PPP3R1: variants seen among roughly 807,000 people sequenced by gnomAD.
PPP3R1 encodes the protein protein phosphatase 3 regulatory subunit B, alpha.
In PPP3R1, 5 loss-of-function variants were observed where a neutral mutation model predicts 22.6. The ratio of observed to expected loss-of-function variants is 0.22; its 90% CI spans 0.12 to 0.46. PPP3R1 has a LOEUF of 0.46. PPP3R1 is among the 20% of genes least tolerant of loss of function. The pLI, the probability that PPP3R1 is intolerant of heterozygous loss-of-function variation, is 0.99. For missense variants in PPP3R1, 61 were observed against 203.2 expected (o/e 0.30, Z 4.25); for synonymous variants, 56 against 65.2 (o/e 0.86, Z 0.68).
chr2:68,227,638 T>C (rs1669813871), intron 1 of PPP3R1, among the ~76,000 whole-genome samples: 1 of 152,018 alleles, frequency 6.6e-6, no homozygotes, highest in East Asian at 1.9e-4. Context: ...TTACAATCTA[T>C]AACTTGAGTG....
At position 68,252,197 on chromosome 2, in the gene PPP3R1, G is replaced by A. The variant is rs1052268519; in HGVS notation, c.-70C>T. On this transcript the variant is annotated 5_prime_UTR_variant, in exon 1 of 6. Transcript: ENST00000234310. ...AGTGTTGCGCTCAGGCTGGCTCGCA[G>A]GAAACGGCGGCGGCGGCCCAGCTGC... The A allele has an allele frequency of 3.1e-6, 4 of 1,276,416 alleles. No homozygotes were observed. The African/African-American group carries it at 4.6e-5, about 15-fold the overall frequency. 79.1% of individuals were successfully genotyped at this position (1,276,416 alleles called of 1,614,324 possible).
At chr2:68,222,339 A>T (rs1200924029) in intron 1 of PPP3R1, among the ~76,000 whole-genome samples, 1 of 152,228 alleles carries the variant, frequency 6.6e-6, no homozygotes, top group Non-Finnish European at 1.5e-5. Flanking sequence ...TATCATTGTG[A>T]TGGTTAATTT....
At chr2:68,190,643 GA>G (rs1674646828) in intron 2 of PPP3R1, among the ~76,000 whole-genome samples, 1 of 152,144 alleles carries the variant, frequency 6.6e-6, no homozygotes, top group South Asian at 2.1e-4. Context: ...TTCCTTTAGA[GA>G]AAACAAGTTT....
chr2:68,219,371 T>G (rs1179001903), intron 1 of PPP3R1, among the ~76,000 whole-genome samples: 2 of 152,222 alleles, frequency 1.3e-5, no homozygotes, highest in African/African-American at 2.4e-5. Context: ...ACGTTCAGTC[T>G]TCCTCATGCT....
At chr2:68,222,437 A>G (rs1403023589) in intron 1 of PPP3R1, among the ~76,000 whole-genome samples, 1 of 152,252 alleles carries the variant, frequency 6.6e-6, no homozygotes, top group Non-Finnish European at 1.5e-5. Context: ...TTTGTGGAAG[A>G]GATTAGCATC....
chr2:68,239,456 T>C (rs1670077234), intron 1 of PPP3R1, among the ~76,000 whole-genome samples: 1 of 152,222 alleles, frequency 6.6e-6, no homozygotes, highest in African/African-American at 2.4e-5. Context: ...GGATAGACAC[T>C]GTTTCCATTA....
Position 68,232,249 on chromosome 2 carries a change from GTGTGTGTGTGTGTGTGTA to G in PPP3R1, c.4-15136_4-15119del, listed in dbSNP as rs1365700412. Among the ~76,000 whole-genome samples, 190 of 70,748 alleles carry G rather than the reference GTGTGTGTGTGTGTGTGTA, an allele frequency of 2.7e-3. 1 individual carries two copies. The highest frequency in any genetic ancestry group is 0.016 in the African/African-American group (174 of 11,034). 46.4% of individuals were successfully genotyped at this position (70,748 alleles called of 152,430 possible). A position where few individuals can be genotyped will look rare whatever the true frequency, so the allele number is the denominator to read the frequency against. On this transcript the variant is annotated intron_variant, in intron 1 of 5. Transcript: ENST00000234310. ...TGTGTGTGTGTGTGTGTGTGTGTGT[GTGTGTGTGTGTGTGTGTA>G]TATATATATACACACACACAAAAAT...
intron 2 of PPP3R1, among the ~76,000 whole-genome samples, chr2:68,203,631 G>A (rs573639263): frequency 6.8e-4 from 104 of 151,850 alleles, no homozygotes; most frequent in South Asian, 2.1e-3. Flanking sequence ...AATGAAAGAG[G>A]AAATCAAATT....
intron 1 of PPP3R1, among the ~76,000 whole-genome samples, chr2:68,222,154 A>C: frequency 6.6e-6 from 1 of 152,226 alleles, no homozygotes; most frequent in East Asian, 1.9e-4. Context: ...GGGGTATATA[A>C]AGTGAACATA....
chr2:68,214,745 A>G (rs1226174574), intron 2 of PPP3R1, among the ~76,000 whole-genome samples: 3 of 152,208 alleles, frequency 2.0e-5, no homozygotes, highest in Non-Finnish European at 2.9e-5. Context: ...AACTTAAAAC[A>G]ATTACCATTT....
intron 4 of PPP3R1, 49 bp downstream of exon 4, chr2:68,187,206 G>T (rs781005852): frequency 7.2e-7 from 1 of 1,387,980 alleles, no homozygotes; most frequent in Non-Finnish European, 1.0e-6. Context: ...AATACAGTAT[G>T]AAATGATGGT....
intron 1 of PPP3R1, among the ~76,000 whole-genome samples, chr2:68,226,141 T>C (rs1050540591): frequency 2.0e-5 from 3 of 152,130 alleles, no homozygotes; most frequent in Admixed American, 6.5e-5. Context: ...CTACAGTAAC[T>C]GAAAGTTAAG....
Position 68,252,366 on chromosome 2 carries a change from G to A in PPP3R1, c.-239C>T. 5 of 1,006,862 alleles carry A rather than the reference G, an allele frequency of 5.0e-6. No homozygotes were observed. Among genetic ancestry groups the A allele is most frequent in the Non-Finnish European group, 5.9e-6 (5 of 845,192 alleles). 62.4% of individuals were successfully genotyped at this position (1,006,862 alleles called of 1,614,324 possible). Reference sequence around the variant, plus strand: ...ATTAAGGTCGAGATTCAGAGCCGGAGAGCGCGGGAGGAGCAGCGGCGAGAG... The same window carrying A: ...ATTAAGGTCGAGATTCAGAGCCGGAAAGCGCGGGAGGAGCAGCGGCGAGAG... On this transcript the variant is annotated 5_prime_UTR_variant, in exon 1 of 6. Transcript: ENST00000234310.
chr2:68,232,124 T>TACACACACACAAAAATTAACCAC (rs1669918601), intron 1 of PPP3R1, among the ~76,000 whole-genome samples: 1 of 97,990 alleles, frequency 1.0e-5, no homozygotes, highest in South Asian at 3.3e-4. Context: ...TATATATATA[T>TACACACACACAAAAATTAACCAC]ACACACACAC....
intron 1 of PPP3R1, among the ~76,000 whole-genome samples, chr2:68,235,213 T>C (rs181878888): frequency 9.9e-5 from 15 of 152,222 alleles, no homozygotes; most frequent in Admixed American, 3.9e-4. Flanking sequence ...TACCGCTTTA[T>C]TGAAATATAA....
At chr2:68,245,738 G>A (rs1241571195) in intron 1 of PPP3R1, among the ~76,000 whole-genome samples, 1 of 152,082 alleles carries the variant, frequency 6.6e-6, no homozygotes, top group Non-Finnish European at 1.5e-5. Flanking sequence ...CCCTTTCCAA[G>A]TCACCCAGCA....
chr2:68,202,792 A>AT (rs71395958), intron 2 of PPP3R1, among the ~76,000 whole-genome samples: 2,067 of 81,146 alleles, frequency 0.025, 321 homozygotes, highest in East Asian at 0.13. Context: ...AGTTCAGGGA[A>AT]TTTTTTTTTT....
rs142161107 is a variant in PPP3R1, at chr2:68,185,417, T to C, written c.465+1051A>G. Reference sequence around the variant, plus strand: ...GCAAGTAATCTTCATTTATATATTATATTTATATATTTATATTTCTTATAT... The same window carrying C: ...GCAAGTAATCTTCATTTATATATTACATTTATATATTTATATTTCTTATAT... On this transcript the variant is annotated intron_variant, in intron 5 of 5. Transcript: ENST00000234310. Among the ~76,000 whole-genome samples, 882 of 142,068 alleles carry C rather than the reference T, an allele frequency of 6.2e-3. 5 individuals are homozygous for C. Among genetic ancestry groups the C allele is most frequent in the African/African-American group, 0.02 (828 of 40,548 alleles). 93.2% of individuals were successfully genotyped at this position (142,068 alleles called of 152,430 possible). A position where few individuals can be genotyped will look rare whatever the true frequency, so the allele number is the denominator to read the frequency against.
rs370531080 is a variant in PPP3R1, at chr2:68,178,944, TAA to T, written c.*2017_*2018del. ...ATGACGTATCATGCAGAAGAAAAAC[TAA>T]ACATTCAACATAAACCATCCCCTCC... On this transcript the variant is annotated 3_prime_UTR_variant, in exon 6 of 6. Coordinates refer to ENST00000234310, the MANE Select transcript of PPP3R1 (RefSeq NM_000945.4). 13 of 127,672 alleles carry T rather than the reference TAA, an allele frequency of 1.0e-4. No individual in the cohort carries two copies. The East Asian group carries it at 3.0e-3, about 30-fold the overall frequency. 7.9% of individuals were successfully genotyped at this position (127,672 alleles called of 1,614,324 possible).
Sources: allele counts gnomAD v4.1 joint callset (sites outside exome capture counted in the v4.1 genomes callset), GRCh38; gene constraint gnomAD v4.1.1; transcripts MANE v1.5; gene names NCBI Gene and HGNC (gene_info 2026-07-23, HGNC 2026-07-21).